Variants in NEK10 observed in about 807,000 individuals in gnomAD.
The protein encoded by NEK10 is serine/threonine-protein kinase Nek10.
Under a neutral mutation model 159.8 loss-of-function variants are expected in NEK10, and 122 were observed. The ratio of observed to expected loss-of-function variants is 0.76; its 90% CI spans 0.66 to 0.89. NEK10 has a LOEUF of 0.89. Ranked by LOEUF, NEK10 falls within the 40% of genes least tolerant of loss-of-function variation. The probability of loss-of-function intolerance (pLI) is 0.00; values close to 1 mark genes in which losing one functional copy is unlikely to be tolerated. For synonymous variants in NEK10, 466 were observed against 457.1 expected, an observed-to-expected ratio of 1.02 and a Z score of -0.25; for missense variants, 1,342 against 1,323.1, an observed-to-expected ratio of 1.01 and a Z score of -0.22.
At position 27,367,532 on chromosome 3, in the gene NEK10, G is replaced by T. The variant is rs182691528; in HGVS notation, c.-38+1693C>A. ...TTTTTTCAATATTTACCTTTTATAA[G>T]CAAAAGCTTCATTGGCCATTTCTGA... On this transcript the variant is annotated intron_variant, in intron 1 of 35. Coordinates refer to ENST00000691995, the MANE Select transcript of NEK10 (RefSeq NM_001394966.1). 2.4e-3 allele frequency: 365 copies of T among 152,234 alleles called. 2 individuals are homozygous for T. The highest frequency in any genetic ancestry group is 8.6e-3 in the African/African-American group (356 of 41,538). 9.4% of individuals were successfully genotyped at this position (152,234 alleles called of 1,614,324 possible).
chr3:27,366,400 A>G (rs2049089655), intron 1 of NEK10, among the ~76,000 whole-genome samples: 1 of 152,216 alleles, frequency 6.6e-6, no homozygotes, highest in South Asian at 2.1e-4. Flanking sequence ...CAGGTGTTCA[A>G]TAAATATTTG....
intron 22 of NEK10, among the ~76,000 whole-genome samples, chr3:27,271,187 CTATCTATCTACCTAT>C (rs1559400909): frequency 6.6e-6 from 1 of 151,616 alleles, no homozygotes; most frequent in Non-Finnish European, 1.5e-5. Flanking sequence ...ATCTATCTAT[CTATCTATCTACCTAT>C]CTATCTGTCT....
At chr3:27,214,795 G>T in intron 23 of NEK10, 1 of 944,484 alleles carries the variant, frequency 1.1e-6, no homozygotes, top group Non-Finnish European at 1.7e-6. Flanking sequence ...TGAAGTCACT[G>T]CTCCTGCTCT....
At chr3:27,323,640 T>C (rs2045811424) in intron 5 of NEK10, among the ~76,000 whole-genome samples, 1 of 152,162 alleles carries the variant, frequency 6.6e-6, no homozygotes, top group Non-Finnish European at 1.5e-5. Context: ...AAATATTGAA[T>C]ATAGCCAATA....
intron 26 of NEK10, among the ~76,000 whole-genome samples, chr3:27,181,340 T>C (rs902654416): frequency 3.3e-5 from 5 of 152,196 alleles, no homozygotes; most frequent in South Asian, 4.2e-4. Flanking sequence ...TTCCTCTAGC[T>C]TGTTATTAAG....
chr3:27,365,929 C>T (rs1207348775), intron 1 of NEK10, among the ~76,000 whole-genome samples: 1 of 151,996 alleles, frequency 6.6e-6, no homozygotes, highest in Non-Finnish European at 1.5e-5. Context: ...ACATATCAGG[C>T]ATATACATGA....
At chr3:27,187,441 C>A (rs1223433712) in intron 26 of NEK10, among the ~76,000 whole-genome samples, 1 of 152,078 alleles carries the variant, frequency 6.6e-6, no homozygotes, top group African/African-American at 2.4e-5. Flanking sequence ...ATAAAGTTTC[C>A]ATCTTGCACA....
intron 29 of NEK10, among the ~76,000 whole-genome samples, chr3:27,170,530 G>A (rs1219593848): frequency 4.6e-5 from 7 of 152,206 alleles, no homozygotes; most frequent in South Asian, 2.1e-4. Flanking sequence ...TCAGGAGTTC[G>A]ATACCAGCCT....
intron 25 of NEK10, among the ~76,000 whole-genome samples, chr3:27,193,766 C>T (rs986936591): frequency 1.3e-5 from 2 of 152,004 alleles, no homozygotes; most frequent in Non-Finnish European, 2.9e-5. Context: ...CCCTTTTGTA[C>T]ATTCTTTTTG....
intron 7 of NEK10, among the ~76,000 whole-genome samples, chr3:27,313,074 G>GT (rs2044833202): frequency 6.6e-6 from 1 of 150,700 alleles, no homozygotes; most frequent in Non-Finnish European, 1.5e-5. Context: ...GGCCAACATG[G>GT]TGTAACCCTG....
At chr3:27,179,454 G>A (rs1048863563) in intron 26 of NEK10, among the ~76,000 whole-genome samples, 1 of 152,096 alleles carries the variant, frequency 6.6e-6, no homozygotes, top group African/African-American at 2.4e-5. Context: ...TAAAACTCCA[G>A]TATCAAATTT....
At chr3:27,339,331 GA>G (rs553596370) in intron 5 of NEK10, among the ~76,000 whole-genome samples, 5 of 151,816 alleles carry the variant, frequency 3.3e-5, no homozygotes, top group Admixed American at 3.3e-4. Flanking sequence ...GAATCTACAA[GA>G]AATTTAAACA....
intron 32 of NEK10, 36 bp from the exon 33 acceptor site, chr3:27,119,904 C>T (rs758163278): frequency 5.9e-5 from 88 of 1,491,020 alleles, no homozygotes; most frequent in Non-Finnish European, 7.9e-5. Context: ...TCTTAGTTTA[C>T]ACTCAGAAGG....
At chr3:27,203,998 T>TAA (rs1202838534) in intron 23 of NEK10, among the ~76,000 whole-genome samples, 2 of 149,634 alleles carry the variant, frequency 1.3e-5, no homozygotes, top group Admixed American at 6.7e-5. Flanking sequence ...CTGCTCATGT[T>TAA]AAAAAAAAAA....
In NEK10 at chr3:27,291,255, A is replaced by G; in HGVS notation, c.1605+7T>C. The G allele has an allele frequency of 2.5e-6, 4 of 1,609,672 alleles. No individual in the cohort carries two copies. The highest frequency in any genetic ancestry group is 1.1e-5 in the South Asian group (1 of 89,678). On this transcript the variant is annotated splice_region_variant and intron_variant, in intron 18 of 35. Coordinates refer to ENST00000691995, the MANE Select transcript of NEK10 (RefSeq NM_001394966.1). ...GTATCAGAAATGTTCCCCAAGGGGA[A>G]AGTCACCTTGTAAACACAGCCAAAA...
chr3:27,198,331 C>CAAAAAAAAAAAA (rs59823084), intron 25 of NEK10, among the ~76,000 whole-genome samples: 1 of 102,052 alleles, frequency 9.8e-6, no homozygotes, highest in Non-Finnish European at 2.2e-5. Flanking sequence ...CAATCCTAAG[C>CAAAAAAAAAAAA]AAAAAAAAAA....
rs2149043423 is a variant in NEK10 at position 27,202,672 on chromosome 3, A to G, written c.2091-115T>C. 2.3e-6 allele frequency: 3 copies of G among 1,287,858 alleles called. No homozygotes were observed. The South Asian group carries it at 6.0e-5, about 26-fold the overall frequency. The allele number at this position is 1,287,858 out of a possible 1,614,324, so 79.8% of individuals were successfully genotyped here. A position where few individuals can be genotyped will look rare whatever the true frequency, so the allele number is the denominator to read the frequency against. On this transcript the variant is annotated intron_variant, in intron 23 of 35. Coordinates refer to ENST00000691995, the MANE Select transcript of NEK10 (RefSeq NM_001394966.1). ...TTAAGTATCTGAAATGTTTAACTTA[A>G]TCACTATTTCAGGAAAGGATATCAA... is the stretch of plus-strand genomic sequence containing the variant.
chr3:27,344,710 G>C (rs1036039036), intron 4 of NEK10, among the ~76,000 whole-genome samples: 1 of 152,172 alleles, frequency 6.6e-6, no homozygotes, highest in Non-Finnish European at 1.5e-5. Context: ...TGGAGAGAAA[G>C]AATGATTGGG....
At position 27,232,454 on chromosome 3, in the gene NEK10, G is replaced by C. The variant is rs139611631; in HGVS notation, c.2090+23842C>G. ...GGAACATATCCCATGCTCATGGATA[G>C]GAAGAATCAATATTAAGAAAATGAC... On this transcript the variant is annotated intron_variant, in intron 23 of 35. Transcript: ENST00000691995. Among the ~76,000 whole-genome samples the C allele has an allele frequency of 1.4e-3, 215 of 152,022 alleles. 1 individual carries two copies. The highest frequency in any genetic ancestry group is 5.1e-3 in the African/African-American group (211 of 41,508).
Sources: allele counts gnomAD v4.1 joint callset (sites outside exome capture counted in the v4.1 genomes callset), GRCh38; gene constraint gnomAD v4.1.1; transcripts MANE v1.5; gene names NCBI Gene and HGNC (gene_info 2026-07-23, HGNC 2026-07-21).